The following INSYN2B variants were observed in gnomAD, a reference collection of about 807,000 sequenced individuals.
The protein encoded by INSYN2B is inhibitory synaptic factor family member 2B, also known as protein INSYN2B.
In INSYN2B, 16 loss-of-function variants were observed where a neutral mutation model predicts 41.2. The observed-to-expected ratio is 0.39, with a 90% CI of 0.26 to 0.59. The LOEUF (loss-of-function observed/expected upper bound fraction) is 0.59. Among genes scored for constraint, INSYN2B ranks in the 20% least tolerant of loss-of-function variants. The pLI is 0.57. For missense variants in INSYN2B, 608 were observed against 646.4 expected (o/e 0.94, Z 0.64); for synonymous variants, 245 against 244.4 (o/e 1.00, Z -0.02).
At chr5:169,897,229 G>A (rs1471431958) in intron 1 of INSYN2B, among the ~76,000 whole-genome samples, 5 of 151,980 alleles carry the variant, frequency 3.3e-5, no homozygotes, top group African/African-American at 4.8e-5. Flanking sequence ...TCTGCCACCA[G>A]GCTGGAGTGC....
chr5:169,910,399 C>CT (rs1261789683), intron 1 of INSYN2B, among the ~76,000 whole-genome samples: 6 of 152,334 alleles, frequency 3.9e-5, no homozygotes, highest in African/African-American at 1.4e-4. Context: ...GGCAGAGGAT[C>CT]TACCCCCTCA....
intron 1 of INSYN2B, among the ~76,000 whole-genome samples, chr5:169,941,423 T>A (rs1776241696): frequency 1.3e-5 from 2 of 152,080 alleles, no homozygotes; most frequent in African/African-American, 4.8e-5. Flanking sequence ...TTAGAGAGGC[T>A]TCTGTCTGAA....
At chr5:169,877,892 A>G (rs1290500196) in intron 3 of INSYN2B, among the ~76,000 whole-genome samples, 1 of 152,172 alleles carries the variant, frequency 6.6e-6, no homozygotes, top group African/African-American at 2.4e-5. Context: ...CGAAAACCGT[A>G]AGGTTGCAAC....
At chr5:169,938,460 ACT>A (rs1468933248) in intron 1 of INSYN2B, among the ~76,000 whole-genome samples, 4 of 152,102 alleles carry the variant, frequency 2.6e-5, no homozygotes, top group Non-Finnish European at 4.4e-5. Context: ...ATAGCATGTT[ACT>A]CTCCCGAATA....
chr5:169,879,991 T>C (rs1466890712), intron 3 of INSYN2B, among the ~76,000 whole-genome samples: 1 of 152,250 alleles, frequency 6.6e-6, no homozygotes, highest in Non-Finnish European at 1.5e-5. Context: ...TTATGATGAA[T>C]AGTTTTGTCC....
intron 1 of INSYN2B, among the ~76,000 whole-genome samples, chr5:169,940,922 T>C: frequency 6.6e-6 from 1 of 152,196 alleles, no homozygotes; most frequent in South Asian, 2.1e-4. Flanking sequence ...AATCATACAG[T>C]GAGCAAGAAT....
intron 1 of INSYN2B, among the ~76,000 whole-genome samples, chr5:169,937,166 G>A (rs558611828): frequency 6.6e-6 from 1 of 152,310 alleles, no homozygotes; most frequent in African/African-American, 2.4e-5. Flanking sequence ...TCTTTGTATA[G>A]TTGTCCAGAG....
At chr5:169,939,153 C>T (rs1046755784) in intron 1 of INSYN2B, among the ~76,000 whole-genome samples, 2 of 151,752 alleles carry the variant, frequency 1.3e-5, no homozygotes, top group African/African-American at 2.4e-5. Context: ...ATCCGCCCAC[C>T]TCAGCCTCCC....
Position 169,867,625 on chromosome 5 carries a change from C to CATCT in INSYN2B, c.1422-3170_1422-3167dup, listed in dbSNP as rs35247242. 5.8e-4 allele frequency among the ~76,000 whole-genome samples: 87 copies of CATCT among 150,934 alleles called. 1 individual carries two copies. Among genetic ancestry groups the CATCT allele is most frequent in the African/African-American group, 1.6e-3 (65 of 41,036 alleles). On this transcript the variant is annotated intron_variant, in intron 3 of 3. Coordinates refer to ENST00000377365, the MANE Select transcript of INSYN2B (RefSeq NM_001129891.3). ...CCATCTATCATGTATCATTATCTAT[C>CATCT]ATCTATCTATCTATCTATCTATCTA...
At chr5:169,920,722 G>A (rs187817138) in intron 1 of INSYN2B, among the ~76,000 whole-genome samples, 4 of 152,144 alleles carry the variant, frequency 2.6e-5, no homozygotes, top group African/African-American at 7.2e-5. Context: ...CCCGTCTCCC[G>A]TCTCTGCAGA....
chr5:169,926,369 T>G (rs574389490), intron 1 of INSYN2B, among the ~76,000 whole-genome samples: 163 of 152,318 alleles, frequency 1.1e-3, no homozygotes, highest in South Asian at 2.9e-3. Flanking sequence ...CTTCTTATCC[T>G]CTACCTTTTT....
At chr5:169,905,760 C>G (rs1774240391) in intron 1 of INSYN2B, among the ~76,000 whole-genome samples, 1 of 152,194 alleles carries the variant, frequency 6.6e-6, no homozygotes, top group South Asian at 2.1e-4. Context: ...CCCAGGTGTG[C>G]AGGGCTCACC....
intron 2 of INSYN2B, 124 bp from the exon 3 acceptor site, chr5:169,881,566 C>T: frequency 1.4e-6 from 1 of 700,400 alleles, no homozygotes; most frequent in Admixed American, 2.2e-5. Context: ...GTTGCACGGC[C>T]ATTACAAATA....
chr5:169,964,500 C>T (rs532565089), intron 1 of INSYN2B, among the ~76,000 whole-genome samples: 8 of 152,340 alleles, frequency 5.3e-5, no homozygotes, highest in African/African-American at 9.6e-5. Flanking sequence ...TGGGAGCTGG[C>T]GGCCCTGTGG....
intron 3 of INSYN2B, among the ~76,000 whole-genome samples, chr5:169,867,781 G>T (rs1458759061): frequency 1.3e-5 from 2 of 152,102 alleles, no homozygotes; most frequent in African/African-American, 4.8e-5. Flanking sequence ...ACCCCTATTT[G>T]TCTGGGGTGT....
intron 3 of INSYN2B, among the ~76,000 whole-genome samples, chr5:169,873,001 A>G (rs1473272958): frequency 6.6e-6 from 1 of 152,218 alleles, no homozygotes; most frequent in Non-Finnish European, 1.5e-5. Context: ...TTGATGGAGA[A>G]ATAAAGATCG....
intron 3 of INSYN2B, among the ~76,000 whole-genome samples, chr5:169,871,490 A>G (rs990640347): frequency 2.0e-5 from 3 of 152,210 alleles, no homozygotes; most frequent in African/African-American, 7.2e-5. Context: ...TCACAATCCC[A>G]TGGGATAAAT....
At chr5:169,978,410 G>T in intron 1 of INSYN2B, among the ~76,000 whole-genome samples, 2 of 141,604 alleles carry the variant, frequency 1.4e-5, no homozygotes, top group Non-Finnish European at 3.1e-5. Context: ...GGGGGGTGTA[G>T]GTGTGTTTGC....
Position 169,882,667 on chromosome 5 carries a change from T to C in INSYN2B, c.1232A>G (p.Asp411Gly). ...QIHLARGELC[D>G]LQGRLQSVEE... ...CACAGATTGCAGTCGGCCTTGGAGG[T>C]CGCAGAGTTCACCCCGTGCCAGGTG... Residue 411 changes from aspartate (D) to glycine (G), a missense_variant, in exon 2 of 4, where the codon GAC becomes GGC. By Grantham distance (94) the Asp-to-Gly change is moderately conservative. Transcript: ENST00000377365. The C allele has an allele frequency of 6.4e-7, 1 of 1,551,862 alleles. No homozygotes were observed. The highest frequency in any genetic ancestry group is 1.2e-5 in the South Asian group (1 of 84,038).
Sources: gnomAD v4.1 joint callset for allele counts (sites outside exome capture counted in the v4.1 genomes callset) on GRCh38, gnomAD v4.1.1 for gene constraint, MANE v1.5 for transcripts, NCBI Gene and HGNC (gene_info 2026-07-23, HGNC 2026-07-21) for gene names.